The following SIGLEC7 variants were observed in gnomAD, a reference collection of about 807,000 sequenced individuals.
SIGLEC7 encodes the protein sialic acid binding Ig like lectin 7.
Under a neutral mutation model 40.8 loss-of-function variants are expected in SIGLEC7, and 33 were observed. The observed-to-expected ratio is 0.81, with a 90% CI of 0.61 to 1.08. The LOEUF is 1.08. Among genes scored for constraint, SIGLEC7 ranks in the 50% least tolerant of loss-of-function variants. The probability of loss-of-function intolerance (pLI) is 0.00; values close to 1 mark genes in which losing one functional copy is unlikely to be tolerated. For missense variants in SIGLEC7, 513 were observed against 576.1 expected (o/e 0.89, Z 1.12); for synonymous variants, 242 against 237.6 (o/e 1.02, Z -0.17).
At chr19:51,150,027 T>C (rs1337829899) in intron 6 of SIGLEC7, among the ~76,000 whole-genome samples, 1 of 152,228 alleles carries the variant, frequency 6.6e-6, no homozygotes, top group Non-Finnish European at 1.5e-5. Context: ...AAGTTATTTA[T>C]CATTTAAGAA....
At position 51,144,541 on chromosome 19, in the gene SIGLEC7, C is replaced by A. The variant is rs993496436; in HGVS notation, c.569C>A (p.Ser190Tyr). The A allele has an allele frequency of 1.2e-6, 2 of 1,613,476 alleles. No individual in the cohort carries two copies. Among genetic ancestry groups the A allele is most frequent in the Non-Finnish European group, 1.7e-6 (2 of 1,179,948 alleles). Residue 190 changes from serine to tyrosine, a missense_variant, in exon 2 of 7, where the codon TCC becomes TAC. Transcript: ENST00000317643. ...PMISWMGTSVSPLHPSTTRSS... is the reference protein window; with the variant it reads ...PMISWMGTSVYPLHPSTTRSS... The stretch of plus-strand genomic sequence containing the variant: ...ATCTCCTGGATGGGGACCTCTGTGT[C>A]CCCCCTGCACCCCTCCACCACCCGC...
chr19:51,145,941 C>A lies in SIGLEC7; in HGVS notation c.847C>A (p.Pro283Thr). ...GGTCTGTGCTGTTGACAGCAATCCC[C>A]CTGCCAGGCTGAGCTGGACCTGGAG... is the stretch of plus-strand genomic sequence containing the variant. Reference protein sequence around the residue: ...RLVCAVDSNPPARLSWTWRSL... With the variant: ...RLVCAVDSNPTARLSWTWRSL... Residue 283 changes from proline to threonine, a missense_variant, in exon 4 of 7, where the codon CCT becomes ACT. Transcript: ENST00000317643. This position sits in a 1 kb window ranked among gnomAD's most constrained non-coding sequence, Gnocchi z 4.3. 6.2e-6 allele frequency: 10 copies of A among 1,614,230 alleles called. No homozygotes were observed. Among genetic ancestry groups the A allele is most frequent in the Non-Finnish European group, 7.6e-6 (9 of 1,180,036 alleles).
intron 6 of SIGLEC7, among the ~76,000 whole-genome samples, chr19:51,151,557 G>C (rs575463729): frequency 1.3e-5 from 2 of 152,176 alleles, no homozygotes; most frequent in Non-Finnish European, 2.9e-5. Flanking sequence ...AAAAGAACCC[G>C]GGGCTGCTCT....
At chr19:51,146,519 C>A (rs1421122668) in intron 4 of SIGLEC7, among the ~76,000 whole-genome samples, 4 of 152,180 alleles carry the variant, frequency 2.6e-5, no homozygotes, top group Admixed American at 2.6e-4. Flanking sequence ...AAAATTATTG[C>A]AAAATAATTT....
Position 51,144,669 on chromosome 19 carries a change from C to G in SIGLEC7, c.697C>G (p.Gln233Glu). 1.2e-6 allele frequency: 2 copies of G among 1,613,518 alleles called. No homozygotes were observed. Among genetic ancestry groups the G allele is most frequent in the Non-Finnish European group, 1.7e-6 (2 of 1,179,934 alleles). Reference protein sequence around the residue: ...GAGVTTNRTIQLNVSYPPQNL... With the variant: ...GAGVTTNRTIELNVSYPPQNL... ...CGGCGTGACCACGAACAGGACCATCCAACTCAATGTGTCCTGTGAGTGCTG... is the reference window on the plus strand; with the variant it reads ...CGGCGTGACCACGAACAGGACCATCGAACTCAATGTGTCCTGTGAGTGCTG... The change falls in exon 2 of 7, where the codon CAA becomes GAA. Residue 233 changes from glutamine (Q) to glutamate (E), a missense_variant. By Grantham distance (29) the Gln-to-Glu change is conservative (BLOSUM62 2). Transcript: ENST00000317643.
intron 6 of SIGLEC7, among the ~76,000 whole-genome samples, chr19:51,148,067 G>C (rs1028925021): frequency 6.6e-6 from 1 of 152,110 alleles, no homozygotes. Flanking sequence ...GCACATTCTC[G>C]TCTCTTAAAC....
chr19:51,150,899 A>G (rs1203631827), intron 6 of SIGLEC7, among the ~76,000 whole-genome samples: 1 of 152,182 alleles, frequency 6.6e-6, no homozygotes, highest in Non-Finnish European at 1.5e-5. Context: ...ATTGTGTCTG[A>G]CTGCACAGGC....
At position 51,144,635 on chromosome 19, in the gene SIGLEC7, G is replaced by C. The variant is rs1359285657; in HGVS notation, c.663G>C (p.Leu221Phe). 1.9e-5 allele frequency: 30 copies of C among 1,613,804 alleles called. No individual in the cohort carries two copies. The highest frequency in any genetic ancestry group is 2.5e-5 in the Non-Finnish European group (30 of 1,180,016). The change falls in exon 2 of 7, where the codon TTG becomes TTC. Residue 221 changes from leucine to phenylalanine, a missense_variant. Leu to Phe is a conservative substitution (Grantham distance 22). Transcript: ENST00000317643. ...HGTSLTCQVT[L>F]PGAGVTTNRT... ...CCAGCCTCACCTGTCAGGTGACCTT[G>C]CCTGGGGCCGGCGTGACCACGAACA...
chr19:51,144,151 A>C lies in SIGLEC7; in HGVS notation c.434-255A>C. ...GGAACTACTACTTCCAGGTGGAGAG[A>C]GGACAGATAAGATGGAATTACAAAA... On this transcript the variant is annotated intron_variant, in intron 1 of 6. Coordinates refer to ENST00000317643, the MANE Select transcript of SIGLEC7 (RefSeq NM_014385.4). 3 of 731,390 alleles carry C rather than the reference A, an allele frequency of 4.1e-6. No homozygotes were observed. The South Asian group carries it at 4.2e-5, about 10-fold the overall frequency. 45.3% of individuals were successfully genotyped at this position (731,390 alleles called of 1,614,324 possible). A position where few individuals can be genotyped will look rare whatever the true frequency, so the allele number is the denominator to read the frequency against.
intron 6 of SIGLEC7, among the ~76,000 whole-genome samples, chr19:51,150,314 T>C (rs2092135628): frequency 6.6e-6 from 1 of 152,228 alleles, no homozygotes; most frequent in Non-Finnish European, 1.5e-5. Context: ...TTTTGAGATA[T>C]GTTCCTTTAA....
chr19:51,146,042 G>C lies in SIGLEC7; in HGVS notation c.948G>C (p.Gly316=). 6.2e-7 allele frequency: 1 copy of C among 1,614,196 alleles called. No homozygotes were observed. Among genetic ancestry groups the C allele is most frequent in the Non-Finnish European group, 8.5e-7 (1 of 1,180,018 alleles). The part of the protein sequence containing the change: ...LELQVHLGDE[G]EFTCRAQNSL... ...TGCAAGTGCACCTGGGGGATGAAGG[G>C]GAATTCACCTGTCGAGCTCAGAACT... The change falls in exon 4 of 7, where the codon GGG becomes GGC. Residue 316 remains glycine, a synonymous_variant. Transcript: ENST00000317643.
rs1283579494 is a variant in SIGLEC7 at position 51,144,551 on chromosome 19, C to T, written c.579C>T (p.His193=). ...SWMGTSVSPL[H]PSTTRSSVLT... is the part of the protein sequence containing the mutation. ...TGGGGACCTCTGTGTCCCCCCTGCA[C>T]CCCTCCACCACCCGCTCCTCAGTGC... is the stretch of plus-strand genomic sequence containing the variant. The change falls in exon 2 of 7, where the codon CAC becomes CAT. Residue 193 remains histidine, a synonymous_variant. Transcript: ENST00000317643. The T allele has an allele frequency of 3.1e-6, 5 of 1,613,840 alleles. No individual in the cohort carries two copies. The highest frequency in any genetic ancestry group is 1.7e-4 in the Middle Eastern group (1 of 6,034).
Position 51,142,740 on chromosome 19 carries a change from G to T in SIGLEC7, c.371G>T (p.Arg124Leu), listed in dbSNP as rs368230574. The T allele has an allele frequency of 3.9e-4, 623 of 1,613,612 alleles. 15 individuals are homozygous for T. In the South Asian group the frequency reaches 5.7e-3, roughly 15 times the overall value. ...RMSDAGRYFF[R>L]MEKGNIKWNY... ...AGTGATGCGGGGAGATACTTCTTTCGTATGGAGAAAGGAAATATAAAATGG... is the reference window on the plus strand; with the variant it reads ...AGTGATGCGGGGAGATACTTCTTTCTTATGGAGAAAGGAAATATAAAATGG... The change falls in exon 1 of 7, where the codon CGT becomes CTT. Residue 124 changes from arginine (R) to leucine (L), a missense_variant. Arg to Leu is a moderately radical substitution (Grantham distance 102, BLOSUM62 -2). Transcript: ENST00000317643. The surrounding 1 kb of genome is among the most constrained non-coding windows in gnomAD (Gnocchi z 5.0).
At chr19:51,144,273 G>C in intron 1 of SIGLEC7, 133 bp from the exon 2 acceptor site, 4 of 1,466,426 alleles carry the variant, frequency 2.7e-6, no homozygotes, top group Non-Finnish European at 3.6e-6. Flanking sequence ...CTGGGATGGG[G>C]CCCCTGCCCT....
In SIGLEC7 at chr19:51,148,089, T is replaced by C. The variant is rs1473225658; in HGVS notation, c.1221+772T>C. Among the ~76,000 whole-genome samples the C allele has an allele frequency of 2.6e-5, 4 of 152,214 alleles. No individual in the cohort carries two copies. The East Asian group carries it at 7.7e-4, about 29-fold the overall frequency. Reference sequence around the variant, plus strand: ...CTCGTCTCTTAAACATCTACCTCTCTAGCAGGGCTGGAATTAGTGTGAGAT... The same window carrying C: ...CTCGTCTCTTAAACATCTACCTCTCCAGCAGGGCTGGAATTAGTGTGAGAT... On this transcript the variant is annotated intron_variant, in intron 6 of 6. Coordinates refer to ENST00000317643, the MANE Select transcript of SIGLEC7 (RefSeq NM_014385.4).
intron 6 of SIGLEC7, among the ~76,000 whole-genome samples, chr19:51,149,197 G>T (rs1165570875): frequency 6.6e-6 from 1 of 152,108 alleles, no homozygotes; most frequent in Admixed American, 6.5e-5. Context: ...CTTTTGTTGT[G>T]ATTGCTTTGG....
chr19:51,143,908 C>T, intron 1 of SIGLEC7: 1 of 463,402 alleles, frequency 2.2e-6, no homozygotes, highest in South Asian at 1.7e-5. Context: ...TCTCTGTGCC[C>T]TGCAGTGTCC....
At position 51,142,648 on chromosome 19, in the gene SIGLEC7, C is replaced by T; in HGVS notation, c.279C>T (p.Asp93=). 6.2e-7 allele frequency: 1 copy of T among 1,614,142 alleles called. No homozygotes were observed. The highest frequency in any genetic ancestry group is 8.5e-7 in the Non-Finnish European group (1 of 1,180,034). Reference sequence around the variant, plus strand: ...GGGCAGTGCAGGAGGAAACTCGGGACCGATTCCACCTCCTTGGGGACCCAC... The same window carrying T: ...GGGCAGTGCAGGAGGAAACTCGGGATCGATTCCACCTCCTTGGGGACCCAC... The part of the protein sequence containing the change: ...PAWAVQEETR[D]RFHLLGDPQT... The change falls in exon 1 of 7, where the codon GAC becomes GAT. Residue 93 remains aspartate, a synonymous_variant. Transcript: ENST00000317643. This position sits in a 1 kb window ranked among gnomAD's most constrained non-coding sequence, Gnocchi z 5.0.
chr19:51,143,448 G>A (rs948308483), intron 1 of SIGLEC7, among the ~76,000 whole-genome samples: 22 of 152,132 alleles, frequency 1.4e-4, no homozygotes, highest in Admixed American at 1.3e-3. Context: ...CGGGAGGGCA[G>A]GACCTACGTG....
Sources: gnomAD v4.1 joint callset for allele counts (sites outside exome capture counted in the v4.1 genomes callset) on GRCh38, gnomAD v4.1.1 for gene constraint, Gnocchi (gnomAD v3.1) non-coding constraint, MANE v1.5 for transcripts, NCBI Gene and HGNC (gene_info 2026-07-23, HGNC 2026-07-21) for gene names.